Variants in GABRP observed in about 807,000 individuals in gnomAD.
GABRP encodes the protein gamma-aminobutyric acid receptor subunit pi.
In GABRP, 52 loss-of-function variants were observed where a neutral mutation model predicts 47.8. That is an observed-to-expected ratio of 1.09 (90% CI 0.87 to 1.37). The LOEUF (loss-of-function observed/expected upper bound fraction) is 1.37. GABRP is among the 40% of genes most tolerant of loss of function. The pLI is 0.00. For synonymous variants in GABRP, 221 were observed against 205.8 expected (o/e 1.07, Z -0.63); for missense variants, 525 against 542.8 (o/e 0.97, Z 0.33).
At chr5:170,785,041 C>T (rs924296365) in intron 1 of GABRP, among the ~76,000 whole-genome samples, 3 of 152,242 alleles carry the variant, frequency 2.0e-5, no homozygotes, top group Admixed American at 1.3e-4. Flanking sequence ...AAATTCCATC[C>T]CCCAGCACCT....
At chr5:170,789,037 C>G (rs1349312811) in intron 2 of GABRP, 92 bp from the exon 3 acceptor site, 2 of 955,612 alleles carry the variant, frequency 2.1e-6, no homozygotes, top group East Asian at 4.8e-5. Context: ...CATACACCCA[C>G]ACACACGTGG....
intron 1 of GABRP, among the ~76,000 whole-genome samples, chr5:170,784,742 T>C (rs1454461720): frequency 1.3e-5 from 2 of 152,238 alleles, no homozygotes; most frequent in Admixed American, 1.3e-4. Flanking sequence ...ATGCTTTCTA[T>C]TCCCATTTGT....
intron 1 of GABRP, among the ~76,000 whole-genome samples, chr5:170,785,933 A>T (rs1458614762): frequency 6.6e-6 from 1 of 152,174 alleles, no homozygotes; most frequent in Non-Finnish European, 1.5e-5. Context: ...GGCAAATGCA[A>T]CTCACTCTTC....
chr5:170,802,542 G>A (rs1475087580), intron 6 of GABRP, among the ~76,000 whole-genome samples: 1 of 152,192 alleles, frequency 6.6e-6, no homozygotes, highest in African/African-American at 2.4e-5. Context: ...AATAAAACTT[G>A]AGGTTATCAA....
chr5:170,782,936 TGG>T, upstream of GABRP: 1 of 152,330 alleles, frequency 6.6e-6, no homozygotes, highest in Non-Finnish European at 1.5e-5. Context: ...TTGGGGCCAC[TGG>T]CTATGATGAG....
intron 7 of GABRP, 65 bp downstream of exon 7, chr5:170,805,918 A>T (rs570324672): frequency 6.4e-7 from 1 of 1,556,998 alleles, no homozygotes; most frequent in Non-Finnish European, 8.8e-7. Context: ...TTGCTCTCTG[A>T]GTCAGAAATA....
At position 170,812,238 on chromosome 5, in the gene GABRP, G is replaced by C. The variant is rs1400462524; in HGVS notation, c.1303G>C (p.Ala435Pro). The C allele has an allele frequency of 6.2e-7, 1 of 1,611,712 alleles. No individual in the cohort carries two copies. Among genetic ancestry groups the C allele is most frequent in the Admixed American group, 1.7e-5 (1 of 59,884 alleles). The change falls in exon 10 of 10, where the codon GCA becomes CCA. Residue 435 changes from alanine (A) to proline (P), a missense_variant. By Grantham distance (27) the Ala-to-Pro change is conservative (BLOSUM62 -1). Transcript: ENST00000265294. ...IFMLANVFYW[A>P]YYMYF is the part of the protein sequence containing the mutation. ...TATGCTAGCCAATGTATTTTACTGG[G>C]CATACTACATGTATTTTTGAGTCAA...
intron 6 of GABRP, among the ~76,000 whole-genome samples, chr5:170,804,269 T>TTCA (rs1021335869): frequency 5.3e-5 from 8 of 152,076 alleles, no homozygotes; most frequent in African/African-American, 1.7e-4. Flanking sequence ...GATTCATCAG[T>TTCA]TGATGAACAT....
intron 3 of GABRP, among the ~76,000 whole-genome samples, chr5:170,790,820 A>G (rs1467357132): frequency 6.6e-6 from 1 of 152,160 alleles, no homozygotes; most frequent in Admixed American, 6.5e-5. Flanking sequence ...GTGGCCCATG[A>G]GAAGTGTGGC....
At chr5:170,807,542 A>T (rs1052739057) in intron 7 of GABRP, among the ~76,000 whole-genome samples, 1 of 152,192 alleles carries the variant, frequency 6.6e-6, no homozygotes. Context: ...CAAGAAAATA[A>T]AGCAGGCAGT....
intron 6 of GABRP, among the ~76,000 whole-genome samples, chr5:170,804,130 T>C (rs1765665595): frequency 6.6e-6 from 1 of 152,064 alleles, no homozygotes; most frequent in Non-Finnish European, 1.5e-5. Context: ...ACACATGTTA[T>C]GGCTTGCATC....
upstream of GABRP, chr5:170,782,893 C>A (rs982211854): frequency 7.9e-5 from 12 of 152,500 alleles, no homozygotes; most frequent in Non-Finnish European, 1.8e-4. Flanking sequence ...GGAATCCCTC[C>A]CCTTACCTGC....
intron 6 of GABRP, among the ~76,000 whole-genome samples, chr5:170,800,623 T>A (rs1303422172): frequency 6.6e-6 from 1 of 152,134 alleles, no homozygotes; most frequent in Non-Finnish European, 1.5e-5. Flanking sequence ...ACTGAACAAC[T>A]TTTTTGTTAA....
intron 1 of GABRP, among the ~76,000 whole-genome samples, chr5:170,786,207 A>G (rs1293901357): frequency 2.0e-5 from 3 of 152,022 alleles, no homozygotes; most frequent in African/African-American, 4.8e-5. Context: ...TGCTCCATGG[A>G]CCCCCTTAAA....
chr5:170,808,611 A>T lies in GABRP; in HGVS notation c.691A>T (p.Arg231Ter). The T allele has an allele frequency of 6.2e-7, 1 of 1,613,894 alleles. No homozygotes were observed. The highest frequency in any genetic ancestry group is 8.5e-7 in the Non-Finnish European group (1 of 1,179,874). The change falls in exon 8 of 10, where the codon AGA becomes TGA. Residue 231 changes from arginine (R) to a stop codon, truncating the protein, a stop_gained. Coordinates refer to ENST00000265294, the MANE Select transcript of GABRP (RefSeq NM_014211.3). LOFTEE classifies it high-confidence loss of function. ...GTTTACCCTTTCAGGAAATTACACT[A>T]GATTGGTCTTACAGTTTGAGCTTCG... is the stretch of plus-strand genomic sequence containing the variant. ...RSQQETGNYT[R>*]LVLQFELRRN...
chr5:170,786,344 A>T (rs994827687), intron 1 of GABRP, among the ~76,000 whole-genome samples: 3 of 152,232 alleles, frequency 2.0e-5, no homozygotes, highest in Non-Finnish European at 4.4e-5. Flanking sequence ...GTGAGAACAA[A>T]AAAGCTAACA....
In GABRP at chr5:170,795,340, T is replaced by C. The variant is rs1344238345; in HGVS notation, c.373T>C (p.Ser125Pro). ...LWVPDTYIVE[S>P]KKSFLHEVTV... is the part of the protein sequence containing the mutation. ...GGTGCCAGATACTTACATTGTGGAG[T>C]CCAAGAAGTCCTTCCTCCATGAAGT... Residue 125 changes from serine (S) to proline (P), a missense_variant, in exon 5 of 10, where the codon TCC (serine) becomes CCC (proline). Ser to Pro is a moderately conservative substitution (Grantham distance 74). Transcript: ENST00000265294. 1 of 1,613,646 alleles carries C rather than the reference T, an allele frequency of 6.2e-7. No individual in the cohort carries two copies. The highest frequency in any genetic ancestry group is 8.5e-7 in the Non-Finnish European group (1 of 1,179,920).
chr5:170,808,553 T>G (rs1488380278), intron 7 of GABRP, 47 bp from the exon 8 acceptor site: 2 of 1,570,218 alleles, frequency 1.3e-6, no homozygotes, highest in East Asian at 2.2e-5. Flanking sequence ...AGAAACCACT[T>G]GCTACACGAA....
At position 170,788,572 on chromosome 5, in the gene GABRP, A is replaced by G. The variant is rs932512473; in HGVS notation, c.-42-2A>G. On this transcript the variant is annotated splice_acceptor_variant, in intron 1 of 9. Coordinates refer to ENST00000265294, the MANE Select transcript of GABRP (RefSeq NM_014211.3). LOFTEE classifies it low-confidence loss of function (5UTR_SPLICE). The stretch of plus-strand genomic sequence containing the variant: ...CCACTTACCTTGCCCCCTGTTTCCC[A>G]GGTGATTCCTACTTCAGCCCCTTGG... The G allele has an allele frequency of 6.2e-7, 1 of 1,607,650 alleles. No homozygotes were observed. Among genetic ancestry groups the G allele is most frequent in the Non-Finnish European group, 8.5e-7 (1 of 1,174,520 alleles).
Sources: gnomAD v4.1 joint callset for allele counts (sites outside exome capture counted in the v4.1 genomes callset) on GRCh38, gnomAD v4.1.1 for gene constraint, MANE v1.5 for transcripts, NCBI Gene and HGNC (gene_info 2026-07-23, HGNC 2026-07-21) for gene names.